The following BTRC variants were observed in gnomAD, a reference collection of about 807,000 sequenced individuals.
BTRC encodes the protein F-box/WD repeat-containing protein 1A.
BTRC carries 42 observed loss-of-function variants against 85.5 expected under a neutral mutation model. The observed-to-expected ratio is 0.49, with a 90% CI of 0.38 to 0.64. BTRC has a LOEUF of 0.64. Among genes scored for constraint, BTRC ranks in the 30% least tolerant of loss-of-function variants. The pLI is 0.00. For missense variants in BTRC, 594 were observed against 743.5 expected (o/e 0.80, Z 2.34); for synonymous variants, 255 against 263.3 (o/e 0.97, Z 0.30).
At position 101,509,243 on chromosome 10, in the gene BTRC, ATTTTTTTTTTTTT is replaced by A. The variant is rs71016330; in HGVS notation, c.325-12379_325-12367del. ...TTCAAGCATGACAGTGGCAATGTGG[ATTTTTTTTTTTTT>A]TTTTTTTTTTTTTTTTGAGACAGAG... On this transcript the variant is annotated intron_variant, in intron 4 of 14. Coordinates refer to ENST00000370187, the MANE Select transcript of BTRC (RefSeq NM_033637.4). Among the ~76,000 whole-genome samples, 12 of 69,916 alleles carry A rather than the reference ATTTTTTTTTTTTT, an allele frequency of 1.7e-4. No individual in the cohort carries two copies. In the East Asian group the frequency reaches 3.3e-3, roughly 19 times the overall value. The allele number at this position is 69,916 out of a possible 152,430, so 45.9% of individuals were successfully genotyped here. A position where few individuals can be genotyped will look rare whatever the true frequency, so the allele number is the denominator to read the frequency against.
intron 1 of BTRC, among the ~76,000 whole-genome samples, chr10:101,413,326 G>GT (rs1453682005): frequency 1.3e-5 from 2 of 151,090 alleles, no homozygotes; most frequent in Non-Finnish European, 1.5e-5. Context: ...GTTTTGTTTT[G>GT]TTTTTTTGAC....
chr10:101,371,821 C>T (rs970562601), intron 1 of BTRC, among the ~76,000 whole-genome samples: 10 of 152,030 alleles, frequency 6.6e-5, no homozygotes, highest in Middle Eastern at 3.4e-3. Context: ...GTGAGGTAGA[C>T]GTCAGCATTC....
At chr10:101,444,098 CTT>C (rs148186933) in intron 2 of BTRC, among the ~76,000 whole-genome samples, 1,969 of 152,256 alleles carry the variant, frequency 0.013, 34 homozygotes, top group African/African-American at 0.041. Flanking sequence ...AAATGGTATA[CTT>C]ATGTTCATAT....
At chr10:101,385,366 C>CAAAAAAAAAAAAAA (rs10718968) in intron 1 of BTRC, among the ~76,000 whole-genome samples, 2 of 82,918 alleles carry the variant, frequency 2.4e-5, no homozygotes, top group Non-Finnish European at 5.0e-5. Flanking sequence ...GACTCTGTCT[C>CAAAAAAAAAAAAAA]AAAAAAAAAA....
intron 1 of BTRC, among the ~76,000 whole-genome samples, chr10:101,362,712 T>G (rs1942248346): frequency 6.6e-6 from 1 of 152,168 alleles, no homozygotes; most frequent in Non-Finnish European, 1.5e-5. Context: ...ATTTTTTGTG[T>G]TTTGTTAATA....
At chr10:101,473,921 C>T (rs551524947) in intron 3 of BTRC, among the ~76,000 whole-genome samples, 1 of 152,224 alleles carries the variant, frequency 6.6e-6, no homozygotes, top group East Asian at 1.9e-4. Flanking sequence ...TCAGATAATG[C>T]ACTTTTCAGT....
At chr10:101,403,646 A>G (rs910533980) in intron 1 of BTRC, among the ~76,000 whole-genome samples, 1 of 152,112 alleles carries the variant, frequency 6.6e-6, no homozygotes, top group East Asian at 1.9e-4. Flanking sequence ...ACCAGAGTGC[A>G]GTAGCATGAT....
intron 9 of BTRC, 112 bp from the exon 10 acceptor site, chr10:101,534,549 C>G (rs2062355291): frequency 7.2e-7 from 1 of 1,383,380 alleles, no homozygotes; most frequent in African/African-American, 1.4e-5. Context: ...TTCTCCCACT[C>G]TCCCAGTCTG....
intron 4 of BTRC, among the ~76,000 whole-genome samples, chr10:101,484,918 A>G (rs1945942322): frequency 6.6e-6 from 1 of 152,244 alleles, no homozygotes; most frequent in Non-Finnish European, 1.5e-5. Context: ...CTTTGCATTA[A>G]TAAGAGAAGC....
chr10:101,532,323 G>A lies in BTRC; in HGVS notation c.869G>A (p.Arg290Lys), dbSNP rs1347958775. The A allele has an allele frequency of 6.2e-7, 1 of 1,613,218 alleles. No homozygotes were observed. Among genetic ancestry groups the A allele is most frequent in the South Asian group, 1.1e-5 (1 of 90,874 alleles). ...ATAGAATCTAATTGGAGATGTGGAA[G>A]ACATAGTTTACAGAGAATTCACTGC... ...ETIESNWRCG[R>K]HSLQRIHCRS... The change falls in exon 8 of 15, where the codon AGA becomes AAA. Residue 290 changes from arginine to lysine, a missense_variant. Physicochemically the swap from Arg to Lys is conservative, Grantham distance 26 (BLOSUM62 2). Around this residue, in one of 4 missense-constraint regions of BTRC, gnomAD observed 373 missense variants for 503.6 expected, o/e 0.74. Coordinates refer to ENST00000370187, the MANE Select transcript of BTRC (RefSeq NM_033637.4).
At chr10:101,458,798 C>T (rs915455165) in intron 2 of BTRC, among the ~76,000 whole-genome samples, 1 of 152,136 alleles carries the variant, frequency 6.6e-6, no homozygotes, top group African/African-American at 2.4e-5. Context: ...GTTTTCAGTA[C>T]ATCATATTAA....
chr10:101,375,919 C>G (rs1209533977), intron 1 of BTRC, among the ~76,000 whole-genome samples: 1 of 152,120 alleles, frequency 6.6e-6, no homozygotes, highest in Non-Finnish European at 1.5e-5. Context: ...TGTGTGCTGG[C>G]CAGTGTATCA....
chr10:101,515,975 GTGA>G (rs1415954416), intron 4 of BTRC, among the ~76,000 whole-genome samples: 1 of 152,140 alleles, frequency 6.6e-6, no homozygotes, highest in Non-Finnish European at 1.5e-5. Context: ...AGTGAGTCTC[GTGA>G]TGATCTGTTT....
chr10:101,466,862 A>C (rs1191998050), intron 3 of BTRC, among the ~76,000 whole-genome samples: 2 of 152,174 alleles, frequency 1.3e-5, no homozygotes, highest in Non-Finnish European at 2.9e-5. Flanking sequence ...CCCTGAAAAA[A>C]TTCCTGCGTT....
At position 101,526,142 on chromosome 10, in the gene BTRC, T is replaced by C; in HGVS notation, c.686T>C (p.Ile229Thr). The change falls in exon 6 of 15, where the codon ATC (isoleucine) becomes ACC (threonine). Residue 229 changes from isoleucine (I) to threonine (T), a missense_variant. Physicochemically the swap from Ile to Thr is moderately conservative, Grantham distance 89. This residue lies in a region of BTRC where 373 missense variants were observed against 503.6 expected (regional missense o/e 0.74). Transcript: ENST00000370187. ...GATGGCATGCTGTGGAAGAAGCTTA[T>C]CGAGAGAATGGTCAGGACAGATTCT... ...TSDGMLWKKL[I>T]ERMVRTDSLW... 2.5e-6 allele frequency: 4 copies of C among 1,614,144 alleles called. No homozygotes were observed. Among genetic ancestry groups the C allele is most frequent in the Non-Finnish European group, 3.4e-6 (4 of 1,180,026 alleles).
intron 4 of BTRC, among the ~76,000 whole-genome samples, chr10:101,504,299 G>T (rs528576599): frequency 9.8e-5 from 15 of 152,290 alleles, no homozygotes; most frequent in African/African-American, 3.6e-4. Flanking sequence ...TGTTTATTGT[G>T]TGGGAGAGGA....
At chr10:101,538,873 C>T (rs531000993) in intron 13 of BTRC, among the ~76,000 whole-genome samples, 1 of 152,076 alleles carries the variant, frequency 6.6e-6, no homozygotes. Flanking sequence ...CACGGTGAAA[C>T]CCCATCTCTG....
intron 3 of BTRC, among the ~76,000 whole-genome samples, chr10:101,466,932 G>A (rs1364181442): frequency 6.6e-6 from 1 of 152,200 alleles, no homozygotes; most frequent in Non-Finnish European, 1.5e-5. Context: ...AAATCAGCCA[G>A]TATAAGCATG....
At chr10:101,505,284 A>G (rs1437124520) in intron 4 of BTRC, among the ~76,000 whole-genome samples, 1 of 148,974 alleles carries the variant, frequency 6.7e-6, no homozygotes, top group East Asian at 2.0e-4. Context: ...GATTACAGGC[A>G]TGAGCCACCA....
Sources: gnomAD v4.1 joint callset for allele counts (sites outside exome capture counted in the v4.1 genomes callset) on GRCh38, gnomAD v4.1.1 for gene constraint, gnomAD v4.1.1 regional missense constraint, MANE v1.5 for transcripts, NCBI Gene and HGNC (gene_info 2026-07-23, HGNC 2026-07-21) for gene names.